The following RASSF6 variants were observed in gnomAD, a reference collection of about 807,000 sequenced individuals.
RASSF6 encodes the protein ras association domain-containing protein 6.
A neutral mutation model predicts 44.0 loss-of-function variants in RASSF6; 52 were observed. That is an observed-to-expected ratio of 1.18 (90% CI 0.95 to 1.49). The LOEUF (loss-of-function observed/expected upper bound fraction) is 1.49. Ranked by LOEUF, RASSF6 falls within the 40% of genes most tolerant of loss-of-function variation. The pLI is 0.00. For missense variants in RASSF6, 464 were observed against 393.3 expected (o/e 1.18, Z -1.52); for synonymous variants, 162 against 124.6 (o/e 1.30, Z -2.00).
intron 5 of RASSF6, among the ~76,000 whole-genome samples, chr4:73,585,733 C>G (rs1304662733): frequency 6.6e-6 from 1 of 151,886 alleles, no homozygotes; most frequent in Non-Finnish European, 1.5e-5. Flanking sequence ...TGATCTCTTA[C>G]AGGTAAGAAA....
intron 3 of RASSF6, 23 bp downstream of exon 3, chr4:73,598,617 T>C: frequency 2.3e-6 from 3 of 1,322,690 alleles, no homozygotes; most frequent in Non-Finnish European, 2.1e-6. Context: ...TAACACCGGA[T>C]TGCCTTTCTT....
chr4:73,572,341 AGT>A lies in RASSF6; in HGVS notation c.*3892_*3893del, dbSNP rs1560431881. The A allele has an allele frequency of 6.6e-6, 1 of 152,190 alleles. No individual in the cohort carries two copies. Among genetic ancestry groups the A allele is most frequent in the Non-Finnish European group, 1.5e-5 (1 of 68,036 alleles). 9.4% of individuals were successfully genotyped at this position (152,190 alleles called of 1,614,324 possible). ...TTTATGACCTACTTCAAAGTCTCAC[AGT>A]CTCTTCCATTTTCCTGTATTAAAAG... On this transcript the variant is annotated 3_prime_UTR_variant, in exon 11 of 11. Coordinates refer to ENST00000307439, the MANE Select transcript of RASSF6 (RefSeq NM_177532.5).
rs1038899210 is a variant in RASSF6, at chr4:73,573,303, T to C, written c.*2932A>G. On this transcript the variant is annotated 3_prime_UTR_variant, in exon 11 of 11. Coordinates refer to ENST00000307439, the MANE Select transcript of RASSF6 (RefSeq NM_177532.5). ...CATTGCACCCGGCTCATTTTTTGTA[T>C]TTTTAGTAGAGGCAGGGTTTCACCA... 1 of 152,128 alleles carries C rather than the reference T, an allele frequency of 6.6e-6. No homozygotes were observed. Among genetic ancestry groups the C allele is most frequent in the Non-Finnish European group, 1.5e-5 (1 of 68,044 alleles). The allele number at this position is 152,128 out of a possible 1,614,324, so 9.4% of individuals were successfully genotyped here. A position where few individuals can be genotyped will look rare whatever the true frequency, so the allele number is the denominator to read the frequency against.
In RASSF6 at chr4:73,574,970, C is replaced by T. The variant is rs947355773; in HGVS notation, c.*1265G>A. 3 of 152,124 alleles carry T rather than the reference C, an allele frequency of 2.0e-5. No individual in the cohort carries two copies. Among genetic ancestry groups the T allele is most frequent in the African/African-American group, 7.2e-5 (3 of 41,406 alleles). 9.4% of individuals were successfully genotyped at this position (152,124 alleles called of 1,614,324 possible). A position where few individuals can be genotyped will look rare whatever the true frequency, so the allele number is the denominator to read the frequency against. Reference sequence around the variant, plus strand: ...CAGGTGAAAGAATAGCGATGCAAGCCTCTGGTTTACTCAGTAAGAGAGACT... The same window carrying T: ...CAGGTGAAAGAATAGCGATGCAAGCTTCTGGTTTACTCAGTAAGAGAGACT... On this transcript the variant is annotated 3_prime_UTR_variant, in exon 11 of 11. Coordinates refer to ENST00000307439, the MANE Select transcript of RASSF6 (RefSeq NM_177532.5).
At chr4:73,618,536 A>C (rs1726514109) in intron 1 of RASSF6, among the ~76,000 whole-genome samples, 1 of 152,184 alleles carries the variant, frequency 6.6e-6, no homozygotes, top group South Asian at 2.1e-4. Context: ...CCTCTTTGAA[A>C]AATCTTTAAT....
At chr4:73,594,072 G>A (rs528924249) in intron 3 of RASSF6, among the ~76,000 whole-genome samples, 36 of 152,246 alleles carry the variant, frequency 2.4e-4, no homozygotes, top group African/African-American at 2.9e-4. Flanking sequence ...GTGAAAACAC[G>A]CTGTAAAAAT....
chr4:73,613,482 C>A (rs907278933), intron 1 of RASSF6, among the ~76,000 whole-genome samples: 1 of 152,108 alleles, frequency 6.6e-6, no homozygotes, highest in African/African-American at 2.4e-5. Flanking sequence ...TAATAACCCA[C>A]CAAAAGGGTT....
intron 2 of RASSF6, among the ~76,000 whole-genome samples, chr4:73,605,339 T>G (rs1015354176): frequency 2.6e-5 from 4 of 152,374 alleles, no homozygotes; most frequent in Non-Finnish European, 5.9e-5. Context: ...GTCATCAAGC[T>G]ATTTGCCAAG....
At chr4:73,587,489 A>G (rs527765520) in intron 5 of RASSF6, among the ~76,000 whole-genome samples, 1 of 152,218 alleles carries the variant, frequency 6.6e-6, no homozygotes, top group African/African-American at 2.4e-5. Context: ...ATATAAAGCT[A>G]TTGGGAATAA....
chr4:73,572,877 C>G lies in RASSF6; in HGVS notation c.*3358G>C, dbSNP rs1451606427. On this transcript the variant is annotated 3_prime_UTR_variant, in exon 11 of 11. Coordinates refer to ENST00000307439, the MANE Select transcript of RASSF6 (RefSeq NM_177532.5). ...TCATAATTCTACAATGCAGATATAGCCATTTTTAACATGTTTTTATTTCTT... is the reference window on the plus strand; with the variant it reads ...TCATAATTCTACAATGCAGATATAGGCATTTTTAACATGTTTTTATTTCTT... 6.6e-6 allele frequency: 1 copy of G among 151,856 alleles called. No individual in the cohort carries two copies. Among genetic ancestry groups the G allele is most frequent in the Non-Finnish European group, 1.5e-5 (1 of 67,950 alleles). The allele number at this position is 151,856 out of a possible 1,614,324, so 9.4% of individuals were successfully genotyped here.
At chr4:73,591,925 C>T (rs1240928401) in intron 4 of RASSF6, among the ~76,000 whole-genome samples, 3 of 150,118 alleles carry the variant, frequency 2.0e-5, no homozygotes, top group East Asian at 2.0e-4. Flanking sequence ...GCACTATAGA[C>T]AAGGAGATAA....
chr4:73,620,216 T>C, intron 1 of RASSF6, 72 bp downstream of exon 1: 2 of 1,001,594 alleles, frequency 2.0e-6, no homozygotes, highest in South Asian at 4.3e-5. Context: ...GATTCTGCTT[T>C]CTAATAACTT....
intron 5 of RASSF6, 35 bp downstream of exon 5, chr4:73,587,805 T>C: frequency 7.4e-7 from 1 of 1,347,788 alleles, no homozygotes; most frequent in Admixed American, 1.7e-5. Flanking sequence ...TAATTAAAAA[T>C]TAAGTCTCCC....
At chr4:73,595,672 T>C (rs1276548591) in intron 3 of RASSF6, among the ~76,000 whole-genome samples, 1 of 151,668 alleles carries the variant, frequency 6.6e-6, no homozygotes, top group Non-Finnish European at 1.5e-5. Context: ...TTTTCCTAGT[T>C]TTACTCTTTT....
At chr4:73,611,688 G>A in intron 2 of RASSF6, 43 bp downstream of exon 2, 1 of 1,281,500 alleles carries the variant, frequency 7.8e-7, no homozygotes, top group Non-Finnish European at 1.1e-6. Flanking sequence ...TTCCACAAAT[G>A]ACTGGTGAGT....
intron 1 of RASSF6, among the ~76,000 whole-genome samples, chr4:73,615,087 G>A (rs963251960): frequency 2.1e-5 from 3 of 141,538 alleles, no homozygotes; most frequent in Non-Finnish European, 3.0e-5. Context: ...GCTGAGGCCC[G>A]AGAATCACTT....
At chr4:73,617,703 T>C (rs1169248168) in intron 1 of RASSF6, among the ~76,000 whole-genome samples, 1 of 152,266 alleles carries the variant, frequency 6.6e-6, no homozygotes, top group African/African-American at 2.4e-5. Flanking sequence ...AGCAGTGGTA[T>C]TAGTTAAGTT....
In RASSF6 at chr4:73,574,128, T is replaced by C. The variant is rs1723071529; in HGVS notation, c.*2107A>G. 6.6e-6 allele frequency: 1 copy of C among 152,498 alleles called. No homozygotes were observed. Among genetic ancestry groups the C allele is most frequent in the Admixed American group, 6.5e-5 (1 of 15,280 alleles). 9.4% of individuals were successfully genotyped at this position (152,498 alleles called of 1,614,324 possible). On this transcript the variant is annotated 3_prime_UTR_variant, in exon 11 of 11. Transcript: ENST00000307439. ...GTGCAAGCCGGTCCTGAAGCTCCAA[T>C]TGCTGCTCTCCATTTCTTCTCTTCA...
intron 4 of RASSF6, among the ~76,000 whole-genome samples, chr4:73,590,918 G>A (rs1724495914): frequency 2.0e-5 from 3 of 152,308 alleles, no homozygotes; most frequent in Admixed American, 1.3e-4. Context: ...AATGCAAAAT[G>A]TAAATGGATC....
Sources: allele counts gnomAD v4.1 joint callset (sites outside exome capture counted in the v4.1 genomes callset), GRCh38; gene constraint gnomAD v4.1.1; transcripts MANE v1.5; gene names NCBI Gene and HGNC (gene_info 2026-07-23, HGNC 2026-07-21).